Variants in SVEP1 observed in about 807,000 individuals in gnomAD.
The protein encoded by SVEP1 is sushi, von Willebrand factor type A, EGF and pentraxin domain-containing protein 1.
Under a neutral mutation model 367.3 loss-of-function variants are expected in SVEP1, and 164 were observed. The ratio of observed to expected loss-of-function variants is 0.45; its 90% CI spans 0.39 to 0.51. SVEP1 has a LOEUF of 0.51. Among genes scored for constraint, SVEP1 ranks in the 20% least tolerant of loss-of-function variants. The pLI, the probability that SVEP1 is intolerant of heterozygous loss-of-function variation, is 0.00. For missense variants in SVEP1, 4,117 were observed against 4,425.3 expected (o/e 0.93, Z 1.98); for synonymous variants, 1,666 against 1,611.6 (o/e 1.03, Z -0.81).
intron 5 of SVEP1, 77 bp from the exon 6 acceptor site, chr9:110,503,294 T>G: frequency 7.2e-7 from 1 of 1,390,050 alleles, no homozygotes; most frequent in South Asian, 1.4e-5. Context: ...TAGCAATGCC[T>G]GCACATTGCA....
intron 39 of SVEP1, among the ~76,000 whole-genome samples, chr9:110,403,216 A>T (rs1004479441): frequency 1.6e-4 from 24 of 145,546 alleles, no homozygotes; most frequent in African/African-American, 6.0e-4. Flanking sequence ...TTCTCCTGGT[A>T]TATCTTATGG....
At chr9:110,395,250 C>T (rs963524978) in intron 40 of SVEP1, among the ~76,000 whole-genome samples, 1 of 152,160 alleles carries the variant, frequency 6.6e-6, no homozygotes, top group Non-Finnish European at 1.5e-5. Context: ...TCCAGCCAAA[C>T]TATGCTTCAT....
At chr9:110,484,868 T>G (rs1829252553) in intron 9 of SVEP1, among the ~76,000 whole-genome samples, 1 of 152,094 alleles carries the variant, frequency 6.6e-6, no homozygotes, top group Admixed American at 6.6e-5. Context: ...GAAATGCAAA[T>G]CAAAACCACA....
intron 20 of SVEP1, chr9:110,458,073 C>T (rs1329920478): frequency 4.4e-6 from 2 of 457,764 alleles, no homozygotes; most frequent in South Asian, 1.6e-5. Context: ...CTTTTCTTTT[C>T]TGGCAAAGAA....
In SVEP1 at chr9:110,395,858, C is replaced by T. The variant is rs1051641832; in HGVS notation, c.9822+4996G>A. On this transcript the variant is annotated intron_variant, in intron 40 of 47. Transcript: ENST00000374469. ...GAGCACCCAGATTCATGAAGCAAGT[C>T]CTTAGTGACCTACAAAGAGACTTAG... Among the ~76,000 whole-genome samples the T allele has an allele frequency of 2.7e-3, 406 of 152,224 alleles. 1 individual carries two copies. Among genetic ancestry groups the T allele is most frequent in the Non-Finnish European group, 4.2e-3 (284 of 68,012 alleles).
chr9:110,400,290 G>A (rs1827837480), intron 40 of SVEP1, among the ~76,000 whole-genome samples: 1 of 152,156 alleles, frequency 6.6e-6, no homozygotes, highest in Non-Finnish European at 1.5e-5. Flanking sequence ...TGAAGTCACA[G>A]CATCTGTCTT....
intron 18 of SVEP1, among the ~76,000 whole-genome samples, chr9:110,459,755 C>G (rs1297123644): frequency 6.6e-6 from 1 of 152,068 alleles, no homozygotes; most frequent in African/African-American, 2.4e-5. Context: ...ACTCTTTTCA[C>G]TACATGCTCT....
intron 18 of SVEP1, among the ~76,000 whole-genome samples, chr9:110,461,545 G>A (rs1361941922): frequency 6.6e-6 from 1 of 151,988 alleles, no homozygotes; most frequent in African/African-American, 2.4e-5. Context: ...ATGGACTGAG[G>A]TTCAAAGGAG....
At chr9:110,409,873 T>G (rs1828019596) in intron 37 of SVEP1, among the ~76,000 whole-genome samples, 1 of 98,722 alleles carries the variant, frequency 1.0e-5, no homozygotes. Context: ...TTACTCATTT[T>G]GTTTATGCAT....
chr9:110,390,078 C>T (rs558818045), intron 40 of SVEP1, among the ~76,000 whole-genome samples: 72 of 97,110 alleles, frequency 7.4e-4, no homozygotes, highest in African/African-American at 2.0e-3. Context: ...TATATATATA[C>T]GTGTATATAT....
At chr9:110,481,480 A>G (rs1193096015) in intron 11 of SVEP1, 44 bp from the exon 12 acceptor site, 1 of 1,327,120 alleles carries the variant, frequency 7.5e-7, no homozygotes, top group Non-Finnish European at 9.8e-7. Flanking sequence ...TGGTACAAGA[A>G]GCATAAATTA....
chr9:110,456,842 C>G (rs1588062547), intron 21 of SVEP1, among the ~76,000 whole-genome samples: 1 of 152,240 alleles, frequency 6.6e-6, no homozygotes, highest in South Asian at 2.1e-4. Context: ...AGAAACAAAG[C>G]ATAGCTATTC....
At chr9:110,470,942 G>T (rs1829007312) in intron 16 of SVEP1, among the ~76,000 whole-genome samples, 1 of 151,962 alleles carries the variant, frequency 6.6e-6, no homozygotes, top group Admixed American at 6.6e-5. Context: ...CTGTCTTAAT[G>T]GGTAAGTCTT....
At chr9:110,468,884 C>A (rs11999875) in intron 17 of SVEP1, 56 bp downstream of exon 17, 1 of 1,482,896 alleles carries the variant, frequency 6.7e-7, no homozygotes, top group Non-Finnish European at 9.0e-7. Flanking sequence ...TTCTTTCCCC[C>A]AAAAGGGAAA....
At chr9:110,404,765 C>T (rs1193982662) in intron 38 of SVEP1, among the ~76,000 whole-genome samples, 1 of 152,170 alleles carries the variant, frequency 6.6e-6, no homozygotes, top group Non-Finnish European at 1.5e-5. Flanking sequence ...TGGCTCATGC[C>T]TGTAATCCCT....
intron 26 of SVEP1, among the ~76,000 whole-genome samples, chr9:110,445,217 C>T (rs1453453255): frequency 6.6e-6 from 1 of 152,092 alleles, no homozygotes; most frequent in Non-Finnish European, 1.5e-5. Flanking sequence ...GACAGTTGGC[C>T]AACGATGGAA....
intron 26 of SVEP1, among the ~76,000 whole-genome samples, chr9:110,445,495 C>T (rs1220674618): frequency 6.6e-6 from 1 of 152,212 alleles, no homozygotes; most frequent in East Asian, 1.9e-4. Context: ...AGCCCTGCTA[C>T]TCCCAAGGTG....
rs1828583270 is a variant in SVEP1, at chr9:110,445,718, C to T, written c.4463+119G>A. 4 of 1,071,822 alleles carry T rather than the reference C, an allele frequency of 3.7e-6. No individual in the cohort carries two copies. The Admixed American group carries it at 6.7e-5, about 18-fold the overall frequency. 66.4% of individuals were successfully genotyped at this position (1,071,822 alleles called of 1,614,324 possible). On this transcript the variant is annotated intron_variant, in intron 26 of 47. Transcript: ENST00000374469. ...CAGATGCTCCATTTGATTATTGACACCCTGCTGTTTTCTGGGAACACCTGA... is the reference window on the plus strand; with the variant it reads ...CAGATGCTCCATTTGATTATTGACATCCTGCTGTTTTCTGGGAACACCTGA...
In SVEP1 at chr9:110,557,217, T is replaced by G. The variant is rs759182618; in HGVS notation, c.532-7113A>C. On this transcript the variant is annotated intron_variant, in intron 1 of 47. Coordinates refer to ENST00000374469, the MANE Select transcript of SVEP1 (RefSeq NM_153366.4). ...TGTTTTCATTTTTATCTCATCCTAC[T>G]TCCAAGCTTTTCTTCTACACCACTG... 4.0e-4 allele frequency among the ~76,000 whole-genome samples: 61 copies of G among 152,216 alleles called. 1 individual carries two copies. Among genetic ancestry groups the G allele is most frequent in the Non-Finnish European group, 1.3e-4 (9 of 68,042 alleles).
Sources: gnomAD v4.1 joint callset for allele counts (sites outside exome capture counted in the v4.1 genomes callset) on GRCh38, gnomAD v4.1.1 for gene constraint, MANE v1.5 for transcripts, NCBI Gene and HGNC (gene_info 2026-07-23, HGNC 2026-07-21) for gene names.